The following NAA20 variants were observed in gnomAD, a reference collection of about 807,000 sequenced individuals.
NAA20 encodes the protein N-alpha-acetyltransferase 20.
Under a neutral mutation model 23.8 loss-of-function variants are expected in NAA20, and 24 were observed. The observed-to-expected ratio is 1.01, with a 90% CI of 0.73 to 1.42. The LOEUF (loss-of-function observed/expected upper bound fraction) is 1.42. NAA20 is among the 40% of genes most tolerant of loss of function. The pLI is 0.00. For missense variants in NAA20, 166 were observed against 223.1 expected, an observed-to-expected ratio of 0.74 and a Z score of 1.63; for synonymous variants, 83 against 77.7, an observed-to-expected ratio of 1.07 and a Z score of -0.36.
chr20:20,021,244 T>G (rs1347829139), intron 1 of NAA20, among the ~76,000 whole-genome samples: 4 of 152,210 alleles, frequency 2.6e-5, no homozygotes, highest in South Asian at 4.2e-4. Flanking sequence ...GGGCCAGGGT[T>G]TGGGGTCCCC....
chr20:20,019,037 C>T (rs920908267), intron 1 of NAA20, among the ~76,000 whole-genome samples: 1 of 152,194 alleles, frequency 6.6e-6, no homozygotes, highest in African/African-American at 2.4e-5. Context: ...TGGAGAGGCT[C>T]ACCCTCTCTT....
rs746576744 is a variant in NAA20, at chr20:20,031,143, A to C, written c.306-1365A>C. Among the ~76,000 whole-genome samples, 10 of 152,192 alleles carry C rather than the reference A, an allele frequency of 6.6e-5. No homozygotes were observed. In the East Asian group the frequency reaches 1.3e-3, roughly 20 times the overall value. On this transcript the variant is annotated intron_variant, in intron 4 of 5. Coordinates refer to ENST00000334982, the MANE Select transcript of NAA20 (RefSeq NM_016100.5). ...AAACATACAGAGGAACAGAAAGAGC[A>C]AAAAAGAGACAAGATATTCTTGAAC...
chr20:20,021,050 G>A lies in NAA20; in HGVS notation c.54-1406G>A, dbSNP rs1433475709. 7.0e-5 allele frequency among the ~76,000 whole-genome samples: 9 copies of A among 129,172 alleles called. No homozygotes were observed. In the East Asian group the frequency reaches 2.5e-3, roughly 36 times the overall value. 84.7% of individuals were successfully genotyped at this position (129,172 alleles called of 152,430 possible). A position where few individuals can be genotyped will look rare whatever the true frequency, so the allele number is the denominator to read the frequency against. ...TGGGTTCGGTGGGCGGGGGGGGGGG[G>A]GGACTTTGGCAAAGACTTCTTCCTG... is the stretch of plus-strand genomic sequence containing the variant. On this transcript the variant is annotated intron_variant, in intron 1 of 5. Transcript: ENST00000334982.
chr20:20,030,291 G>A (rs894370736), intron 4 of NAA20, among the ~76,000 whole-genome samples: 1 of 152,056 alleles, frequency 6.6e-6, no homozygotes, highest in South Asian at 2.1e-4. Flanking sequence ...GGAACAAGGT[G>A]GTTTCAACTT....
Position 20,025,746 on chromosome 20 carries a change from G to A in NAA20, c.148G>A (p.Gly50Ser). Residue 50 changes from glycine to serine, a missense_variant, in exon 3 of 6, where the codon GGT becomes AGT. Coordinates refer to ENST00000334982, the MANE Select transcript of NAA20 (RefSeq NM_016100.5). ...PEYFIVAEAPGGELMGYIMGK... is the reference protein window; with the variant it reads ...PEYFIVAEAPSGELMGYIMGK... ...GTATTTCATTGTTGCAGAGGCACCTGGTGGAGAATTAATGGGTTATAGTAA... is the reference window on the plus strand; with the variant it reads ...GTATTTCATTGTTGCAGAGGCACCTAGTGGAGAATTAATGGGTTATAGTAA... The A allele has an allele frequency of 6.2e-7, 1 of 1,608,060 alleles. No individual in the cohort carries two copies. The highest frequency in any genetic ancestry group is 8.5e-7 in the Non-Finnish European group (1 of 1,174,562).
chr20:20,021,636 C>T (rs57656943), intron 1 of NAA20, among the ~76,000 whole-genome samples: 47,576 of 151,970 alleles, frequency 0.31, 9,361 homozygotes, highest in East Asian at 0.75. Flanking sequence ...AACTTTTTAG[C>T]GTAAAGGAGT....
chr20:20,023,328 A>AT (rs397773153), intron 2 of NAA20, among the ~76,000 whole-genome samples: 1 of 151,258 alleles, frequency 6.6e-6, no homozygotes, highest in Non-Finnish European at 1.5e-5. Context: ...AAAAAAAAAA[A>AT]GGAGAGTACC....
At chr20:20,027,659 T>A (rs1282851907) in intron 4 of NAA20, among the ~76,000 whole-genome samples, 1 of 152,222 alleles carries the variant, frequency 6.6e-6, no homozygotes, top group East Asian at 1.9e-4. Flanking sequence ...TTTGCTGTTT[T>A]CCCTGAACAT....
chr20:20,028,670 T>A (rs903382343), intron 4 of NAA20, among the ~76,000 whole-genome samples: 1 of 152,154 alleles, frequency 6.6e-6, no homozygotes, highest in Non-Finnish European at 1.5e-5. Context: ...GGCATATATA[T>A]ACATATACAC....
At chr20:20,017,650 C>G in intron 1 of NAA20, 1 of 1,352,644 alleles carries the variant, frequency 7.4e-7, no homozygotes, top group Non-Finnish European at 9.7e-7. Flanking sequence ...TCGACGCACG[C>G]CGGCCTTGGC....
intron 1 of NAA20, among the ~76,000 whole-genome samples, chr20:20,020,962 GC>G (rs1430064892): frequency 6.8e-6 from 1 of 147,100 alleles, no homozygotes; most frequent in African/African-American, 2.5e-5. Flanking sequence ...GGGGTCTCTC[GC>G]CCGCACTCCG....
chr20:20,020,007 T>A (rs996688435), intron 1 of NAA20, among the ~76,000 whole-genome samples: 1 of 152,204 alleles, frequency 6.6e-6, no homozygotes, highest in Non-Finnish European at 1.5e-5. Flanking sequence ...AACACTGCAA[T>A]TAATTTAACA....
chr20:20,033,526 A>G lies in NAA20; in HGVS notation c.*339A>G, dbSNP rs145167424. ...TTCTGTGCCTGAGAACCACTGCTGC[A>G]TATATTTGTTTTTAAATTTTGTATT... On this transcript the variant is annotated 3_prime_UTR_variant, in exon 6 of 6. Coordinates refer to ENST00000334982, the MANE Select transcript of NAA20 (RefSeq NM_016100.5). 1.8e-3 allele frequency: 359 copies of G among 194,452 alleles called. 1 individual carries two copies. The highest frequency in any genetic ancestry group is 7.6e-3 in the African/African-American group (329 of 43,114). The allele number at this position is 194,452 out of a possible 1,614,324, so 12.0% of individuals were successfully genotyped here.
At chr20:20,028,607 A>T (rs2043322300) in intron 4 of NAA20, among the ~76,000 whole-genome samples, 2 of 152,202 alleles carry the variant, frequency 1.3e-5, no homozygotes, top group African/African-American at 4.8e-5. Flanking sequence ...TCCAGTTTCT[A>T]AGCCTTCATT....
chr20:20,017,305 C>T, upstream of NAA20: 2 of 1,544,238 alleles, frequency 1.3e-6, no homozygotes, highest in Non-Finnish European at 1.8e-6. Context: ...TACCCCGTCT[C>T]GCTCGGTTCC....
chr20:20,032,747 A>C (rs966163635), intron 5 of NAA20, 94 bp downstream of exon 5: 38 of 1,397,906 alleles, frequency 2.7e-5, no homozygotes, highest in Middle Eastern at 1.9e-4. Context: ...TAAATGTAGA[A>C]TATTTGACTT....
Position 20,027,461 on chromosome 20 carries a change from A to G in NAA20, c.305+542A>G, listed in dbSNP as rs375239017. Among the ~76,000 whole-genome samples, 15 of 152,336 alleles carry G rather than the reference A, an allele frequency of 9.8e-5. 1 individual carries two copies. The highest frequency in any genetic ancestry group is 3.6e-4 in the African/African-American group (15 of 41,584). On this transcript the variant is annotated intron_variant, in intron 4 of 5. Transcript: ENST00000334982. ...GAGGTGTGCACCTGTTGGACATTAA[A>G]TGACTTGGCAGAACCACTTGCATTC...
intron 1 of NAA20, among the ~76,000 whole-genome samples, chr20:20,021,174 G>A (rs1399311575): frequency 2.0e-5 from 3 of 152,112 alleles, no homozygotes; most frequent in Non-Finnish European, 4.4e-5. Flanking sequence ...CAGTTCAGTC[G>A]TCGAAAGGTG....
Position 20,033,462 on chromosome 20 carries a change from G to A in NAA20, c.*275G>A. The A allele has an allele frequency of 3.4e-6, 1 of 297,478 alleles. No individual in the cohort carries two copies. The highest frequency in any genetic ancestry group is 6.3e-6 in the Non-Finnish European group (1 of 159,908). 18.4% of individuals were successfully genotyped at this position (297,478 alleles called of 1,614,324 possible). A position where few individuals can be genotyped will look rare whatever the true frequency, so the allele number is the denominator to read the frequency against. On this transcript the variant is annotated 3_prime_UTR_variant, in exon 6 of 6. Coordinates refer to ENST00000334982, the MANE Select transcript of NAA20 (RefSeq NM_016100.5). Reference sequence around the variant, plus strand: ...TCATGGTTCATAGTATTCACTGTATGTATGCTAGGGAAAAGACTTGCTCCA... The same window carrying A: ...TCATGGTTCATAGTATTCACTGTATATATGCTAGGGAAAAGACTTGCTCCA...
Sources: gnomAD v4.1 joint callset for allele counts (sites outside exome capture counted in the v4.1 genomes callset) on GRCh38, gnomAD v4.1.1 for gene constraint, MANE v1.5 for transcripts, NCBI Gene and HGNC (gene_info 2026-07-23, HGNC 2026-07-21) for gene names.